Variants in SLC71A2 observed in about 807,000 individuals in gnomAD.
The protein encoded by SLC71A2 is solute carrier family 71 member 2.
chr9:94,426,837 T>TAG, the SLC71A2 span, among the ~76,000 whole-genome samples: 1 of 151,954 alleles, frequency 6.6e-6, no homozygotes, highest in Non-Finnish European at 1.5e-5. Context: ...TATTTATTTA[T>TAG]TTAGATAGAT....
the SLC71A2 span, among the ~76,000 whole-genome samples, chr9:94,455,378 A>ATTTTTTTTTTTTTTTTTTTTT: frequency 2.1e-4 from 18 of 85,780 alleles, no homozygotes; most frequent in Non-Finnish European, 3.1e-4. Context: ...TAATATTCTG[A>ATTTTTTTTTTTTTTTTTTTTT]TTTTTTTTTT....
chr9:94,379,506 C>T, the SLC71A2 span, among the ~76,000 whole-genome samples: 10 of 147,992 alleles, frequency 6.8e-5, no homozygotes, highest in East Asian at 2.0e-4. Context: ...CCTCCTGCCT[C>T]AGCCTCCCTA....
chr9:94,443,803 A>T, the SLC71A2 span, among the ~76,000 whole-genome samples: 1 of 152,186 alleles, frequency 6.6e-6, no homozygotes, highest in Admixed American at 6.5e-5. Context: ...TGCAGTTTAT[A>T]ATGCAGTTAT....
At chr9:94,392,022 C>T in the SLC71A2 span, among the ~76,000 whole-genome samples, 3 of 152,106 alleles carry the variant, frequency 2.0e-5, no homozygotes, top group Admixed American at 1.3e-4. Context: ...CTTCCCCCCA[C>T]CCCCTTTATT....
chr9:94,409,443 G>A, the SLC71A2 span, among the ~76,000 whole-genome samples: 1 of 151,334 alleles, frequency 6.6e-6, no homozygotes, highest in Admixed American at 6.6e-5. Flanking sequence ...CACTGCACCC[G>A]GCCTGATTTT....
the SLC71A2 span, among the ~76,000 whole-genome samples, chr9:94,455,377 G>GTTTTTTTTTTTTTT: frequency 9.0e-5 from 6 of 66,410 alleles, no homozygotes; most frequent in Admixed American, 2.1e-4. Context: ...CTAATATTCT[G>GTTTTTTTTTTTTTT]ATTTTTTTTT....
chr9:94,378,380 A>C, the SLC71A2 span, among the ~76,000 whole-genome samples: 1 of 152,052 alleles, frequency 6.6e-6, no homozygotes, highest in African/African-American at 2.4e-5. Context: ...CCTTTTAGCA[A>C]TGAGATCTTG....
the SLC71A2 span, among the ~76,000 whole-genome samples, chr9:94,418,632 C>T: frequency 6.6e-6 from 1 of 152,122 alleles, no homozygotes; most frequent in South Asian, 2.1e-4. Context: ...GACAGGGTTT[C>T]ACCATATTGG....
chr9:94,412,177 A>G, the SLC71A2 span, among the ~76,000 whole-genome samples: 1 of 152,218 alleles, frequency 6.6e-6, no homozygotes, highest in Non-Finnish European at 1.5e-5. Flanking sequence ...TCTTAATACA[A>G]GTGAGGCTAC....
At chr9:94,445,035 A>G in the SLC71A2 span, 2 of 1,614,148 alleles carry the variant, frequency 1.2e-6, no homozygotes, top group Non-Finnish European at 1.7e-6. Context: ...CCAGTTACGG[A>G]GACAGCCTCG....
chr9:94,459,618 A>G, the SLC71A2 span: 1 of 528,090 alleles, frequency 1.9e-6, no homozygotes, highest in Non-Finnish European at 3.3e-6. Context: ...CTGTTTATAC[A>G]TTAGAACAAG....
the SLC71A2 span, among the ~76,000 whole-genome samples, chr9:94,384,700 C>A: frequency 0.49 from 73,800 of 151,928 alleles, 18,172 homozygotes; most frequent in East Asian, 0.6. Context: ...TTGTAAAATT[C>A]TTTATACATA....
the SLC71A2 span, among the ~76,000 whole-genome samples, chr9:94,387,397 C>T: frequency 2.6e-5 from 4 of 151,686 alleles, no homozygotes; most frequent in Non-Finnish European, 5.9e-5. Flanking sequence ...ATTTAATCTT[C>T]TTAATTGAGT....
the SLC71A2 span, among the ~76,000 whole-genome samples, chr9:94,401,899 G>T: frequency 1.3e-5 from 2 of 152,172 alleles, no homozygotes; most frequent in African/African-American, 2.4e-5. Context: ...CATTTTTATG[G>T]CTGTTTCTTG....
At chr9:94,456,294 A>C in the SLC71A2 span, 387 of 1,614,114 alleles carry the variant, frequency 2.4e-4, no homozygotes, top group African/African-American at 4.7e-3. Context: ...CGTTTCCGGC[A>C]ATCAGTGCCC....
At chr9:94,398,537 T>G in the SLC71A2 span, among the ~76,000 whole-genome samples, 1 of 152,158 alleles carries the variant, frequency 6.6e-6, no homozygotes, top group Admixed American at 6.5e-5. Context: ...TTACTTAATC[T>G]AAATGGGTCC....
the SLC71A2 span, chr9:94,432,709 T>C: frequency 2.5e-5 from 8 of 315,620 alleles, no homozygotes; most frequent in East Asian, 6.2e-4. Flanking sequence ...GGACACAGCC[T>C]GGACGAATGA....
At chr9:94,444,813 G>A in the SLC71A2 span, 1 of 639,162 alleles carries the variant, frequency 1.6e-6, no homozygotes, top group Admixed American at 2.8e-5. Context: ...TAAAGCCAGG[G>A]AAGCATGGCT....
chr9:94,432,841 T>C, the SLC71A2 span: 1 of 407,322 alleles, frequency 2.5e-6, no homozygotes, highest in Admixed American at 3.0e-5. Flanking sequence ...AGAGGTCTTA[T>C]AACTCCATGG....
Sources: allele counts gnomAD v4.1 joint callset (sites outside exome capture counted in the v4.1 genomes callset), GRCh38; gene constraint gnomAD v4.1.1; transcripts MANE v1.5; gene names NCBI Gene and HGNC (gene_info 2026-07-23, HGNC 2026-07-21).